RYR3: variants seen among roughly 807,000 people sequenced by gnomAD.
The protein encoded by RYR3 is ryanodine receptor 3.
A neutral mutation model predicts 584.3 loss-of-function variants in RYR3; 207 were observed. The observed-to-expected ratio is 0.35, with a 90% CI of 0.32 to 0.40. The LOEUF (loss-of-function observed/expected upper bound fraction) is 0.40, where lower values mean the gene tolerates loss of function less well. Ranked by LOEUF, RYR3 falls within the 10% of genes least tolerant of loss-of-function variation. RYR3 has a pLI of 1.00. For missense variants in RYR3, 5,616 were observed against 6,089.2 expected, an observed-to-expected ratio of 0.92 and a Z score of 2.59; for synonymous variants, 2,416 against 2,248.5, an observed-to-expected ratio of 1.07 and a Z score of -2.11.
chr15:33,820,463 C>A (rs2077047266), intron 77 of RYR3, among the ~76,000 whole-genome samples: 1 of 152,198 alleles, frequency 6.6e-6, no homozygotes, highest in South Asian at 2.1e-4. Context: ...ACACCAGAAC[C>A]TTACTAAGGT....
chr15:33,780,127 A>T, intron 64 of RYR3, 84 bp from the exon 65 acceptor site: 2 of 1,527,548 alleles, frequency 1.3e-6, no homozygotes, highest in Non-Finnish European at 1.8e-6. Context: ...TCCATGGATT[A>T]ATCTATGGGG....
chr15:33,642,450 T>A (rs2061883850), intron 27 of RYR3, among the ~76,000 whole-genome samples: 2 of 152,226 alleles, frequency 1.3e-5, no homozygotes, highest in African/African-American at 4.8e-5. Context: ...AATACTGTCT[T>A]GAGATTAGGT....
At position 33,773,445 on chromosome 15, in the gene RYR3, T is replaced by G. The variant is rs2073760485; in HGVS notation, c.9056-89T>G. On this transcript the variant is annotated intron_variant, in intron 63 of 103. Coordinates refer to ENST00000634891, the MANE Select transcript of RYR3 (RefSeq NM_001036.6). ...AAGGGAGAGATCTTTTACTCTTTAC[T>G]GATGCTCATGCATTTTTTTTTTCCT... 1.5e-5 allele frequency: 13 copies of G among 864,446 alleles called. No individual in the cohort carries two copies. The East Asian group carries it at 3.4e-4, about 23-fold the overall frequency. The allele number at this position is 864,446 out of a possible 1,614,324, so 53.5% of individuals were successfully genotyped here. A position where few individuals can be genotyped will look rare whatever the true frequency, so the allele number is the denominator to read the frequency against.
rs775055240 is a variant in RYR3, at chr15:33,701,076, A to G, written c.6479A>G (p.Glu2160Gly). The G allele has an allele frequency of 6.2e-7, 1 of 1,610,926 alleles. No individual in the cohort carries two copies. The highest frequency in any genetic ancestry group is 1.3e-5 in the African/African-American group (1 of 74,994). ...LALSLEEPDL[E>G]KVVTYLAGCG... ...CTGAGCTTAGAGGAACCAGACCTCG[A>G]GAAGGTAACCGGCCCTTGGGGTGGC... Residue 2160 changes from glutamate to glycine, a missense_variant, in exon 42 of 104, where the codon GAG becomes GGG. Physicochemically the swap from Glu to Gly is moderately conservative, Grantham distance 98. Transcript: ENST00000634891.
rs765717454 is a variant in RYR3 at position 33,820,859 on chromosome 15, T to C, written c.10815+47T>C. The C allele has an allele frequency of 3.9e-6, 5 of 1,270,194 alleles. No individual in the cohort carries two copies. The African/African-American group carries it at 8.7e-5, about 22-fold the overall frequency. The allele number at this position is 1,270,194 out of a possible 1,614,324, so 78.7% of individuals were successfully genotyped here. On this transcript the variant is annotated intron_variant, in intron 78 of 103. Coordinates refer to ENST00000634891, the MANE Select transcript of RYR3 (RefSeq NM_001036.6). The stretch of plus-strand genomic sequence containing the variant: ...AAATAGAGCCACCCTCCAAGGCCAA[T>C]AGGCCAGGCCTTCAGAGGTGGGTGC...
chr15:33,671,514 G>A (rs1241856819), intron 38 of RYR3, among the ~76,000 whole-genome samples: 2 of 152,082 alleles, frequency 1.3e-5, no homozygotes, highest in Non-Finnish European at 2.9e-5. Context: ...TCTCTGAAGG[G>A]AACAAATCTC....
chr15:33,408,663 T>C (rs1163739849), intron 1 of RYR3, among the ~76,000 whole-genome samples: 1 of 152,166 alleles, frequency 6.6e-6, no homozygotes, highest in Non-Finnish European at 1.5e-5. Flanking sequence ...TAGCATCGGT[T>C]TTTTTGACTT....
intron 19 of RYR3, among the ~76,000 whole-genome samples, chr15:33,615,665 G>T (rs952880886): frequency 2.0e-5 from 3 of 152,300 alleles, no homozygotes; most frequent in Non-Finnish European, 4.4e-5. Flanking sequence ...TGCAGGCACT[G>T]TGTTCTAAGA....
intron 1 of RYR3, among the ~76,000 whole-genome samples, chr15:33,398,260 A>C (rs188071491): frequency 3.1e-4 from 47 of 152,318 alleles, no homozygotes; most frequent in Admixed American, 1.0e-3. Context: ...AAAGTTGCTA[A>C]GTTTTTATTA....
At chr15:33,843,611 T>C in intron 92 of RYR3, 37 bp downstream of exon 92, 1 of 1,304,166 alleles carries the variant, frequency 7.7e-7, no homozygotes, top group Non-Finnish European at 1.1e-6. Context: ...CTAAATATGC[T>C]GTATACTAAG....
At chr15:33,826,831 A>C in intron 84 of RYR3, 79 bp downstream of exon 84, 2 of 970,670 alleles carry the variant, frequency 2.1e-6, no homozygotes, top group South Asian at 3.0e-5. Context: ...GCCCCATTTG[A>C]TGCAACTAGT....
intron 2 of RYR3, among the ~76,000 whole-genome samples, chr15:33,494,634 TACTG>T (rs1227145298): frequency 1.3e-5 from 2 of 150,716 alleles, no homozygotes; most frequent in African/African-American, 4.8e-5. Flanking sequence ...TTTTAAAAGA[TACTG>T]ACATCTTCCT....
At chr15:33,499,899 C>T (rs1237110786) in intron 2 of RYR3, among the ~76,000 whole-genome samples, 1 of 152,088 alleles carries the variant, frequency 6.6e-6, no homozygotes, top group East Asian at 1.9e-4. Flanking sequence ...GTGTATGAAC[C>T]AGATGGATTA....
chr15:33,647,017 A>G (rs1031358645), intron 29 of RYR3, among the ~76,000 whole-genome samples: 2 of 152,024 alleles, frequency 1.3e-5, no homozygotes, highest in African/African-American at 4.8e-5. Flanking sequence ...CCTGATGTCT[A>G]TTTTTAATCA....
chr15:33,854,817 A>G lies in RYR3; in HGVS notation c.13912A>G (p.Asn4638Asp), dbSNP rs1257114870. The change falls in exon 98 of 104, where the codon AAT becomes GAT. Residue 4638 changes from asparagine (N) to aspartate (D), a missense_variant. This residue lies in a region of RYR3 where 918 missense variants were observed against 887.4 expected (regional missense o/e 1.03). Coordinates refer to ENST00000634891, the MANE Select transcript of RYR3 (RefSeq NM_001036.6). ...AACCATGTCAGTCCTGGGCCACTACAATAACTTCTTCTTTGCTGCTCACCT... is the reference window on the plus strand; with the variant it reads ...AACCATGTCAGTCCTGGGCCACTACGATAACTTCTTCTTTGCTGCTCACCT... Reference protein sequence around the residue: ...YTTMSVLGHYNNFFFAAHLLD... With the variant: ...YTTMSVLGHYDNFFFAAHLLD... The G allele has an allele frequency of 6.2e-7, 1 of 1,613,796 alleles. No individual in the cohort carries two copies. Among genetic ancestry groups the G allele is most frequent in the East Asian group, 2.2e-5 (1 of 44,864 alleles).
rs114005656 is a variant in RYR3 at position 33,801,782 on chromosome 15, A to T, written c.9919-87A>T. ...TCACCTCGGCTGAGAGGAGGGGTCT[A>T]TTCCGTTACTTGGGGAGCTTAGAAT... On this transcript the variant is annotated intron_variant, in intron 68 of 103. Transcript: ENST00000634891. 1,934 of 703,186 alleles carry T rather than the reference A, an allele frequency of 2.8e-3. 23 individuals are homozygous for T. In the African/African-American group the frequency reaches 0.031, roughly 11 times the overall value. The allele number at this position is 703,186 out of a possible 1,614,324, so 43.6% of individuals were successfully genotyped here. A position where few individuals can be genotyped will look rare whatever the true frequency, so the allele number is the denominator to read the frequency against.
At chr15:33,395,867 T>C (rs1016264194) in intron 1 of RYR3, among the ~76,000 whole-genome samples, 1 of 152,198 alleles carries the variant, frequency 6.6e-6, no homozygotes, top group African/African-American at 2.4e-5. Context: ...CCATGGATGC[T>C]CAAGTCCTTT....
At chr15:33,845,177 T>A in intron 93 of RYR3, 115 bp downstream of exon 93, 1 of 954,874 alleles carries the variant, frequency 1.0e-6, no homozygotes, top group Non-Finnish European at 1.6e-6. Flanking sequence ...CTTCGTAAGG[T>A]CCGTAGAGCA....
intron 60 of RYR3, among the ~76,000 whole-genome samples, chr15:33,759,674 G>T (rs975017961): frequency 2.0e-5 from 3 of 152,172 alleles, no homozygotes; most frequent in African/African-American, 7.2e-5. Flanking sequence ...TTTGATTGGT[G>T]TACCTGAAAG....
Sources: allele counts gnomAD v4.1 joint callset (sites outside exome capture counted in the v4.1 genomes callset), GRCh38; gene constraint gnomAD v4.1.1; regional missense constraint gnomAD v4.1.1; transcripts MANE v1.5; gene names NCBI Gene and HGNC (gene_info 2026-07-23, HGNC 2026-07-21).